The following RC3H2 variants were observed in gnomAD, a reference collection of about 807,000 sequenced individuals.
RC3H2 encodes the protein roquin-2.
RC3H2 carries 31 observed loss-of-function variants against 133.3 expected under a neutral mutation model. The ratio of observed to expected loss-of-function variants is 0.23; its 90% CI spans 0.17 to 0.31. RC3H2 has a LOEUF of 0.31. Among genes scored for constraint, RC3H2 ranks in the 10% least tolerant of loss-of-function variants. The probability of loss-of-function intolerance (pLI) is 1.00; values close to 1 mark genes in which losing one functional copy is unlikely to be tolerated. For missense variants in RC3H2, 1,175 were observed against 1,437.2 expected (o/e 0.82, Z 2.95); for synonymous variants, 517 against 502.2 (o/e 1.03, Z -0.40).
Position 122,849,542 on chromosome 9 carries a change from C to A in RC3H2, c.*85G>T. 4.2e-6 allele frequency: 2 copies of A among 471,852 alleles called. No homozygotes were observed. Among genetic ancestry groups the A allele is most frequent in the Non-Finnish European group, 6.2e-6 (2 of 320,026 alleles). The allele number at this position is 471,852 out of a possible 1,614,324, so 29.2% of individuals were successfully genotyped here. A position where few individuals can be genotyped will look rare whatever the true frequency, so the allele number is the denominator to read the frequency against. On this transcript the variant is annotated 3_prime_UTR_variant, in exon 21 of 21. Coordinates refer to ENST00000357244, the MANE Select transcript of RC3H2 (RefSeq NM_001100588.3). ...ATATCTTTTTTTTAAAAAAAATATA[C>A]ATTATATAATATATATTATATATAT... is the stretch of plus-strand genomic sequence containing the variant.
At chr9:122,857,408 T>C (rs944962832) in intron 13 of RC3H2, among the ~76,000 whole-genome samples, 2 of 152,196 alleles carry the variant, frequency 1.3e-5, no homozygotes, top group Non-Finnish European at 2.9e-5. Flanking sequence ...GCATAAATAA[T>C]ACTGTAGGTA....
intron 2 of RC3H2, among the ~76,000 whole-genome samples, chr9:122,897,024 TAAAA>T (rs139505008): frequency 1.2e-3 from 44 of 37,052 alleles, no homozygotes; most frequent in African/African-American, 3.9e-3. Flanking sequence ...AGACTCTGTC[TAAAA>T]AAAAAAAAAA....
intron 19 of RC3H2, 27 bp from the exon 20 acceptor site, chr9:122,851,256 A>G: frequency 6.2e-7 from 1 of 1,612,046 alleles, no homozygotes. Flanking sequence ...TTAATCCTTC[A>G]GTATGAAAGT....
intron 2 of RC3H2, among the ~76,000 whole-genome samples, chr9:122,896,182 T>C (rs950881942): frequency 2.6e-5 from 4 of 151,700 alleles, no homozygotes; most frequent in African/African-American, 9.7e-5. Flanking sequence ...TGTCCTGGGC[T>C]GCATGTGGCC....
chr9:122,859,400 A>G (rs1304606083), intron 11 of RC3H2, among the ~76,000 whole-genome samples: 3 of 151,892 alleles, frequency 2.0e-5, no homozygotes, highest in Non-Finnish European at 4.4e-5. Flanking sequence ...CACAAACTAC[A>G]TATTTTCAAG....
intron 3 of RC3H2, among the ~76,000 whole-genome samples, chr9:122,892,626 T>C (rs998234616): frequency 9.9e-5 from 15 of 152,158 alleles, no homozygotes; most frequent in African/African-American, 3.4e-4. Flanking sequence ...TTAGCCAGGA[T>C]AGTCTCGATC....
chr9:122,887,765 G>C (rs1360495690), intron 4 of RC3H2, among the ~76,000 whole-genome samples: 1 of 114,140 alleles, frequency 8.8e-6, no homozygotes, highest in Non-Finnish European at 1.7e-5. Context: ...TTTTTTTTGA[G>C]ATGGAGTTTT....
intron 9 of RC3H2, among the ~76,000 whole-genome samples, chr9:122,877,246 G>T (rs1249415882): frequency 1.3e-5 from 2 of 152,250 alleles, no homozygotes; most frequent in East Asian, 1.9e-4. Flanking sequence ...TAAATTTTTT[G>T]TAGAGACGGG....
In RC3H2 at chr9:122,866,392, A is replaced by T. The variant is rs1290715303; in HGVS notation, c.1326-735T>A. Among the ~76,000 whole-genome samples the T allele has an allele frequency of 1.4e-4, 3 of 21,750 alleles. No individual in the cohort carries two copies. In the East Asian group the frequency reaches 4.3e-3, roughly 31 times the overall value. The allele number at this position is 21,750 out of a possible 152,430, so 14.3% of individuals were successfully genotyped here. ...CTCCCCCTCCCCCCTCCCTCTCCCC[A>T]CGGTCTCCCTCTCCCCACGGTCTCC... is the stretch of plus-strand genomic sequence containing the variant. On this transcript the variant is annotated intron_variant, in intron 9 of 20. Transcript: ENST00000357244.
At chr9:122,851,994 C>T (rs1830043016) in intron 18 of RC3H2, among the ~76,000 whole-genome samples, 1 of 150,662 alleles carries the variant, frequency 6.6e-6, no homozygotes, top group Non-Finnish European at 1.5e-5. Flanking sequence ...TGCCTGGCTG[C>T]CCAGTCTGGA....
rs956085476 is a variant in RC3H2 at position 122,851,891 on chromosome 9, G to A, written c.3118-455C>T. Among the ~76,000 whole-genome samples, 16 of 152,342 alleles carry A rather than the reference G, an allele frequency of 1.1e-4. No homozygotes were observed. In the East Asian group the frequency reaches 1.2e-3, roughly 11 times the overall value. On this transcript the variant is annotated intron_variant, in intron 18 of 20. Transcript: ENST00000357244. ...GCCTGCCTTGGCCTCCCAAAAAGCC[G>A]AGATTGCAGCCTCTGCCCGGCCGCC...
chr9:122,880,616 T>C lies in RC3H2; in HGVS notation c.938A>G (p.His313Arg). 6.2e-7 allele frequency: 1 copy of C among 1,613,796 alleles called. No individual in the cohort carries two copies. The highest frequency in any genetic ancestry group is 8.5e-7 in the Non-Finnish European group (1 of 1,179,684). The change falls in exon 6 of 21, where the codon CAC (histidine) becomes CGC (arginine). Residue 313 changes from histidine to arginine, a missense_variant. Physicochemically the swap from His to Arg is conservative, Grantham distance 29 (BLOSUM62 0). Coordinates refer to ENST00000357244, the MANE Select transcript of RC3H2 (RefSeq NM_001100588.3). ...AACCTTATCAATGATAGACTGCATG[T>C]GTGATTTATGAGCCAAATCACCATA... is the stretch of plus-strand genomic sequence containing the variant. ...LLYGDLAHKS[H>R]MQSIIDKLQS...
chr9:122,894,408 G>A (rs1479339479), intron 2 of RC3H2, among the ~76,000 whole-genome samples: 1 of 152,138 alleles, frequency 6.6e-6, no homozygotes, highest in Non-Finnish European at 1.5e-5. Flanking sequence ...TTCTAGTGGA[G>A]AGGAGAAGAG....
intron 20 of RC3H2, among the ~76,000 whole-genome samples, chr9:122,850,227 G>A (rs879643036): frequency 9.2e-5 from 14 of 151,430 alleles, no homozygotes; most frequent in Non-Finnish European, 1.5e-4. Flanking sequence ...CACCCGCCTC[G>A]GCCTCCCAAA....
At chr9:122,896,526 G>C (rs1832426528) in intron 2 of RC3H2, among the ~76,000 whole-genome samples, 1 of 152,054 alleles carries the variant, frequency 6.6e-6, no homozygotes, top group South Asian at 2.1e-4. Context: ...TGTAATCTAA[G>C]GTTTTGTATA....
chr9:122,857,559 G>A lies in RC3H2; in HGVS notation c.2454+364C>T, dbSNP rs368701278. 1.5e-4 allele frequency among the ~76,000 whole-genome samples: 23 copies of A among 152,230 alleles called. No homozygotes were observed. The East Asian group carries it at 4.0e-3, about 27-fold the overall frequency. ...ACCCTGTAAAATATGGAAAATACCT[G>A]CCCCCTAAGGTTTTTGTGAGAATTA... On this transcript the variant is annotated intron_variant, in intron 13 of 20. Transcript: ENST00000357244.
intron 19 of RC3H2, 36 bp from the exon 20 acceptor site, chr9:122,851,265 G>A: frequency 1.2e-6 from 2 of 1,611,704 alleles, no homozygotes; most frequent in Non-Finnish European, 8.5e-7. Flanking sequence ...CAGTATGAAA[G>A]TATTTTATAA....
chr9:122,857,353 C>A (rs1830286372), intron 13 of RC3H2, among the ~76,000 whole-genome samples: 1 of 152,206 alleles, frequency 6.6e-6, no homozygotes, highest in Admixed American at 6.5e-5. Context: ...GGTACACAAA[C>A]TTGTTTGGTA....
At position 122,901,837 on chromosome 9, in the gene RC3H2, C is replaced by T. The variant is rs570431100; in HGVS notation, c.-68+3273G>A. ...AACTCCTGACCTCGTGATCTGCCCACCTTGGCCTCCCAAAGTCCTGGGATT... is the reference window on the plus strand; with the variant it reads ...AACTCCTGACCTCGTGATCTGCCCATCTTGGCCTCCCAAAGTCCTGGGATT... On this transcript the variant is annotated intron_variant, in intron 1 of 20. Transcript: ENST00000357244. Among the ~76,000 whole-genome samples, 4 of 152,090 alleles carry T rather than the reference C, an allele frequency of 2.6e-5. No individual in the cohort carries two copies. In the East Asian group the frequency reaches 7.7e-4, roughly 29 times the overall value.
Sources: gnomAD v4.1 joint callset for allele counts (sites outside exome capture counted in the v4.1 genomes callset) on GRCh38, gnomAD v4.1.1 for gene constraint, MANE v1.5 for transcripts, NCBI Gene and HGNC (gene_info 2026-07-23, HGNC 2026-07-21) for gene names.